Variants in EPHA7 observed in about 807,000 individuals in gnomAD.
EPHA7 encodes ephrin type-A receptor 7.
Under a neutral mutation model 112.6 loss-of-function variants are expected in EPHA7, and 25 were observed. The observed-to-expected ratio is 0.22, with a 90% CI of 0.16 to 0.31. The LOEUF (loss-of-function observed/expected upper bound fraction) is 0.31. EPHA7 is among the 10% of genes least tolerant of loss of function. EPHA7 has a pLI of 1.00. For missense variants in EPHA7, 962 were observed against 1,212.6 expected (o/e 0.79, Z 3.07); for synonymous variants, 437 against 406.5 (o/e 1.07, Z -0.90).
At chr6:93,269,719 C>A in intron 6 of EPHA7, 59 bp from the exon 7 acceptor site, 1 of 1,320,926 alleles carries the variant, frequency 7.6e-7, no homozygotes, top group Non-Finnish European at 1.0e-6. Flanking sequence ...AATTTGACAG[C>A]CAACTGTTTC....
intron 5 of EPHA7, among the ~76,000 whole-genome samples, chr6:93,304,642 G>A (rs752225006): frequency 1.2e-4 from 18 of 152,086 alleles, no homozygotes; most frequent in Non-Finnish European, 2.5e-4. Flanking sequence ...TTTATAGGAG[G>A]AGAATTCTTT....
chr6:93,270,228 A>C (rs890266436), intron 6 of EPHA7, among the ~76,000 whole-genome samples: 1 of 151,570 alleles, frequency 6.6e-6, no homozygotes, highest in African/African-American at 2.4e-5. Flanking sequence ...AAAATTATAA[A>C]TATTAAAGTT....
intron 3 of EPHA7, among the ~76,000 whole-genome samples, chr6:93,378,049 T>C (rs1021445984): frequency 1.8e-5 from 1 of 55,100 alleles, no homozygotes; most frequent in African/African-American, 8.9e-5. Context: ...TGTAGAAACA[T>C]GGACTCTTTG....
chr6:93,359,647 T>C (rs1201987831), intron 3 of EPHA7, among the ~76,000 whole-genome samples: 6 of 152,080 alleles, frequency 3.9e-5, no homozygotes, highest in Non-Finnish European at 5.9e-5. Context: ...GATGTCATAG[T>C]TTCCAGAAAA....
intron 3 of EPHA7, among the ~76,000 whole-genome samples, chr6:93,384,239 A>T (rs900149422): frequency 1.3e-4 from 20 of 152,116 alleles, no homozygotes; most frequent in African/African-American, 3.9e-4. Context: ...TGTCCCTAAC[A>T]CATCCCCCTC....
chr6:93,388,205 C>T (rs1247556248), intron 3 of EPHA7, among the ~76,000 whole-genome samples: 1 of 152,064 alleles, frequency 6.6e-6, no homozygotes, highest in African/African-American at 2.4e-5. Flanking sequence ...TCCATGAAAG[C>T]AAATATAATT....
intron 14 of EPHA7, 123 bp from the exon 15 acceptor site, chr6:93,247,108 T>G (rs1562040720): frequency 1.1e-6 from 1 of 885,238 alleles, no homozygotes; most frequent in African/African-American, 1.7e-5. Flanking sequence ...ACAAAAGACT[T>G]ACTTTTTTCC....
At position 93,242,600 on chromosome 6, in the gene EPHA7, T is replaced by G. The variant is rs2127843524; in HGVS notation, c.*826A>C. 4.7e-6 allele frequency: 1 copy of G among 214,820 alleles called. No individual in the cohort carries two copies. The highest frequency in any genetic ancestry group is 7.0e-5 in the East Asian group (1 of 14,268). The allele number at this position is 214,820 out of a possible 1,614,324, so 13.3% of individuals were successfully genotyped here. ...TACTCATAAACCTAAACTTCGAGTT[T>G]ATTAAATTCTTTCTAGTAAAATCAC... is the stretch of plus-strand genomic sequence containing the variant. On this transcript the variant is annotated 3_prime_UTR_variant, in exon 17 of 17. Coordinates refer to ENST00000369303, the MANE Select transcript of EPHA7 (RefSeq NM_004440.4).
At chr6:93,284,717 A>C (rs1771969854) in intron 5 of EPHA7, among the ~76,000 whole-genome samples, 1 of 152,180 alleles carries the variant, frequency 6.6e-6, no homozygotes, top group Admixed American at 6.5e-5. Context: ...GACACTGGAA[A>C]CCATCATTCT....
At chr6:93,349,112 T>C (rs1775560568) in intron 5 of EPHA7, among the ~76,000 whole-genome samples, 3 of 151,836 alleles carry the variant, frequency 2.0e-5, no homozygotes, top group Admixed American at 2.0e-4. Flanking sequence ...AAATCCTGGT[T>C]ATTAGTATTA....
intron 3 of EPHA7, among the ~76,000 whole-genome samples, chr6:93,361,636 A>G (rs1776265774): frequency 6.6e-6 from 1 of 152,082 alleles, no homozygotes; most frequent in Admixed American, 6.6e-5. Flanking sequence ...CTCTAAATGC[A>G]GCTGGTTTTC....
At chr6:93,417,564 C>G (rs1012451998) in intron 1 of EPHA7, among the ~76,000 whole-genome samples, 1 of 152,212 alleles carries the variant, frequency 6.6e-6, no homozygotes, top group Non-Finnish European at 1.5e-5. Flanking sequence ...AACCTCTCCC[C>G]CTAGTGATGC....
In EPHA7 at chr6:93,358,398, C is replaced by T. The variant is rs1367496983; in HGVS notation, c.846G>A (p.Gly282=). The T allele has an allele frequency of 1.2e-6, 2 of 1,608,006 alleles. No individual in the cohort carries two copies. The highest frequency in any genetic ancestry group is 1.3e-5 in the African/African-American group (1 of 74,562). ...KGDTCEPCGR[G]FYKSSSQDLQ... ...GATCTTGAGAGGAAGACTTGTAGAACCCACGGCCACAGGCTGGGAATGCAA... is the reference window on the plus strand; with the variant it reads ...GATCTTGAGAGGAAGACTTGTAGAATCCACGGCCACAGGCTGGGAATGCAA... Residue 282 remains glycine, a synonymous_variant, in exon 4 of 17, where the codon GGG becomes GGA. Transcript: ENST00000369303.
chr6:93,262,469 T>A (rs79073020), intron 9 of EPHA7, among the ~76,000 whole-genome samples: 10,351 of 151,320 alleles, frequency 0.068, 531 homozygotes, highest in Admixed American at 0.13. Context: ...GGATACTTTT[T>A]TTAGGGGAAA....
chr6:93,369,937 G>T, intron 3 of EPHA7, among the ~76,000 whole-genome samples: 1 of 152,284 alleles, frequency 6.6e-6, no homozygotes, highest in African/African-American at 2.4e-5. Flanking sequence ...ATTCTTAGTA[G>T]AGGGGAGTGC....
intron 5 of EPHA7, among the ~76,000 whole-genome samples, chr6:93,336,648 G>T (rs569998355): frequency 6.6e-6 from 1 of 151,852 alleles, no homozygotes; most frequent in Admixed American, 6.6e-5. Context: ...TGATCTGCCC[G>T]CCTTGGCCTC....
Position 93,410,394 on chromosome 6 carries a change from T to G in EPHA7, c.832+107A>C, listed in dbSNP as rs1778917453. 3 of 1,046,414 alleles carry G rather than the reference T, an allele frequency of 2.9e-6. No individual in the cohort carries two copies. The Admixed American group carries it at 7.0e-5, about 24-fold the overall frequency. The allele number at this position is 1,046,414 out of a possible 1,614,324, so 64.8% of individuals were successfully genotyped here. On this transcript the variant is annotated intron_variant, in intron 3 of 16. Coordinates refer to ENST00000369303, the MANE Select transcript of EPHA7 (RefSeq NM_004440.4). The surrounding 1 kb of genome is among the most constrained non-coding windows in gnomAD (Gnocchi z 4.0). ...TGTTTAAGATCTACTGAATTGCGCT[T>G]CTGGTACAGAGCAGATTCACGTATT...
At chr6:93,350,970 A>C (rs1376004714) in intron 5 of EPHA7, among the ~76,000 whole-genome samples, 1 of 151,940 alleles carries the variant, frequency 6.6e-6, no homozygotes, top group African/African-American at 2.4e-5. Context: ...CCATAATCAC[A>C]CTCTGAATGC....
At chr6:93,278,396 C>T (rs117829699) in intron 5 of EPHA7, among the ~76,000 whole-genome samples, 4 of 152,090 alleles carry the variant, frequency 2.6e-5, no homozygotes, top group Non-Finnish European at 5.9e-5. Flanking sequence ...ATAAATTAGG[C>T]AAATTCCCCA....
Sources: gnomAD v4.1 joint callset for allele counts (sites outside exome capture counted in the v4.1 genomes callset) on GRCh38, gnomAD v4.1.1 for gene constraint, Gnocchi (gnomAD v3.1) non-coding constraint, MANE v1.5 for transcripts, NCBI Gene and HGNC (gene_info 2026-07-23, HGNC 2026-07-21) for gene names.